CTNNA3: variants seen among roughly 807,000 people sequenced by gnomAD.
The protein encoded by CTNNA3 is catenin alpha-3.
Under a neutral mutation model 95.7 loss-of-function variants are expected in CTNNA3, and 76 were observed. The ratio of observed to expected loss-of-function variants is 0.79; its 90% CI spans 0.66 to 0.96. The LOEUF (loss-of-function observed/expected upper bound fraction) is 0.96. CTNNA3 is among the 40% of genes least tolerant of loss of function. The pLI is 0.00. For missense variants in CTNNA3, 1,191 were observed against 1,089.8 expected (o/e 1.09, Z -1.31); for synonymous variants, 431 against 374.4 (o/e 1.15, Z -1.74).
At chr10:67,181,383 G>A (rs1338027707) in intron 6 of CTNNA3, among the ~76,000 whole-genome samples, 1 of 152,096 alleles carries the variant, frequency 6.6e-6, no homozygotes, top group Non-Finnish European at 1.5e-5. Flanking sequence ...GCTGCTCTAA[G>A]GGTCTTTTAT....
rs79477063 is a variant in CTNNA3 at position 66,112,047 on chromosome 10, C to T, written c.1885-8798G>A. 1.9e-3 allele frequency among the ~76,000 whole-genome samples: 296 copies of T among 152,298 alleles called. 1 individual carries two copies. The highest frequency in any genetic ancestry group is 6.9e-3 in the African/African-American group (288 of 41,562). On this transcript the variant is annotated intron_variant, in intron 13 of 17. Transcript: ENST00000433211. ...AACATTAGGCTGGATCAAACACCTC[C>T]TCAACACTGAGAGATCTCAACGCTA...
chr10:66,035,705 G>T (rs921599218), intron 15 of CTNNA3, among the ~76,000 whole-genome samples: 4 of 151,804 alleles, frequency 2.6e-5, no homozygotes, highest in Admixed American at 6.6e-5. Context: ...GGGTTTCTTG[G>T]CAACATTTGA....
chr10:67,283,814 A>T (rs374122772), intron 5 of CTNNA3, among the ~76,000 whole-genome samples: 66 of 152,308 alleles, frequency 4.3e-4, no homozygotes, highest in African/African-American at 1.5e-3. Flanking sequence ...CAAGAATTGA[A>T]GGTTGCTGCG....
At chr10:66,178,241 A>T (rs1366796368) in intron 13 of CTNNA3, among the ~76,000 whole-genome samples, 2 of 151,018 alleles carry the variant, frequency 1.3e-5, no homozygotes, top group Admixed American at 6.6e-5. Context: ...TTAGGTATAC[A>T]TTCCTCTATT....
chr10:67,628,723 T>C (rs1451722878), intron 2 of CTNNA3, among the ~76,000 whole-genome samples: 1 of 152,152 alleles, frequency 6.6e-6, no homozygotes, highest in African/African-American at 2.4e-5. Context: ...TCTTGGTATA[T>C]GTTGTCATTC....
intron 11 of CTNNA3, among the ~76,000 whole-genome samples, chr10:66,484,962 A>G (rs1179582629): frequency 7.9e-5 from 12 of 152,266 alleles, no homozygotes; most frequent in Non-Finnish European, 5.9e-5. Context: ...GCTACACCAC[A>G]TTAACAGAAT....
intron 7 of CTNNA3, among the ~76,000 whole-genome samples, chr10:66,921,174 C>CAG (rs1050636369): frequency 6.6e-6 from 1 of 152,084 alleles, no homozygotes. Flanking sequence ...TCTCTTGTAG[C>CAG]AGAGAGAGAG....
At chr10:66,710,562 C>T (rs887261047) in intron 9 of CTNNA3, among the ~76,000 whole-genome samples, 4 of 151,566 alleles carry the variant, frequency 2.6e-5, no homozygotes, top group Non-Finnish European at 5.9e-5. Flanking sequence ...GAAGAATTAG[C>T]CTATCTTTGT....
At chr10:65,952,182 A>C (rs2077631431) in intron 17 of CTNNA3, among the ~76,000 whole-genome samples, 1 of 152,330 alleles carries the variant, frequency 6.6e-6, no homozygotes, top group South Asian at 2.1e-4. Flanking sequence ...AATCCAATTC[A>C]TTGTAATATT....
At chr10:66,160,691 A>C (rs2084797236) in intron 13 of CTNNA3, among the ~76,000 whole-genome samples, 1 of 152,044 alleles carries the variant, frequency 6.6e-6, no homozygotes, top group African/African-American at 2.4e-5. Flanking sequence ...TATATCTGTT[A>C]AGTCATTTGT....
At chr10:67,544,773 G>T (rs1219682928) in intron 3 of CTNNA3, among the ~76,000 whole-genome samples, 1 of 152,144 alleles carries the variant, frequency 6.6e-6, no homozygotes. Flanking sequence ...ATACAAAGAA[G>T]AGTCTTGCCT....
chr10:65,945,428 G>A (rs1353709862), intron 17 of CTNNA3, among the ~76,000 whole-genome samples: 1 of 152,166 alleles, frequency 6.6e-6, no homozygotes, highest in African/African-American at 2.4e-5. Context: ...AATTATAGGA[G>A]CAATGGTTCT....
chr10:66,659,475 A>C (rs1846182664), intron 9 of CTNNA3, among the ~76,000 whole-genome samples: 1 of 152,176 alleles, frequency 6.6e-6, no homozygotes, highest in Non-Finnish European at 1.5e-5. Flanking sequence ...GGTTGTTGTG[A>C]GAAAAGACTT....
intron 9 of CTNNA3, among the ~76,000 whole-genome samples, chr10:66,643,633 T>C (rs1425543798): frequency 6.6e-6 from 1 of 152,186 alleles, no homozygotes; most frequent in Non-Finnish European, 1.5e-5. Context: ...CTATTTTTCA[T>C]CTGTTGTAAC....
intron 2 of CTNNA3, among the ~76,000 whole-genome samples, chr10:67,619,914 T>C (rs990590736): frequency 2.6e-5 from 4 of 151,860 alleles, no homozygotes; most frequent in African/African-American, 9.7e-5. Context: ...TGTAAATGGG[T>C]AGAGAGAAGG....
chr10:66,385,846 G>A (rs542767921), intron 11 of CTNNA3, among the ~76,000 whole-genome samples: 1 of 152,250 alleles, frequency 6.6e-6, no homozygotes, highest in East Asian at 1.9e-4. Flanking sequence ...AAAAACACAT[G>A]ATTATCTCAA....
chr10:66,361,782 C>T (rs1043888785), intron 12 of CTNNA3, among the ~76,000 whole-genome samples: 6 of 152,036 alleles, frequency 3.9e-5, no homozygotes, highest in African/African-American at 1.4e-4. Flanking sequence ...AAGTAATCCT[C>T]CTTCCTCAGC....
At chr10:67,445,616 A>G (rs977089046) in intron 5 of CTNNA3, among the ~76,000 whole-genome samples, 13 of 152,278 alleles carry the variant, frequency 8.5e-5, no homozygotes, top group Middle Eastern at 6.8e-3. Context: ...CGGGGATTAG[A>G]TTTCCAACAC....
At chr10:66,357,655 A>T (rs941931079) in intron 12 of CTNNA3, among the ~76,000 whole-genome samples, 2 of 152,110 alleles carry the variant, frequency 1.3e-5, no homozygotes, top group African/African-American at 2.4e-5. Flanking sequence ...TCCAAGTATT[A>T]TTATACTTGG....
Sources: gnomAD v4.1 joint callset for allele counts (sites outside exome capture counted in the v4.1 genomes callset) on GRCh38, gnomAD v4.1.1 for gene constraint, MANE v1.5 for transcripts, NCBI Gene and HGNC (gene_info 2026-07-23, HGNC 2026-07-21) for gene names.